DOCK7: variants seen among roughly 807,000 people sequenced by gnomAD.
The protein encoded by DOCK7 is dedicator of cytokinesis protein 7.
DOCK7 carries 138 observed loss-of-function variants against 271.0 expected under a neutral mutation model. The ratio of observed to expected loss-of-function variants is 0.51; its 90% CI spans 0.44 to 0.59. The LOEUF (loss-of-function observed/expected upper bound fraction) is 0.59. DOCK7 is among the 20% of genes least tolerant of loss of function. The pLI, the probability that DOCK7 is intolerant of heterozygous loss-of-function variation, is 0.00. For synonymous variants in DOCK7, 823 were observed against 876.1 expected, an observed-to-expected ratio of 0.94 and a Z score of 1.07; for missense variants, 2,066 against 2,592.4, an observed-to-expected ratio of 0.80 and a Z score of 4.41.
At chr1:62,575,029 C>T (rs955521343) in intron 18 of DOCK7, among the ~76,000 whole-genome samples, 9 of 152,058 alleles carry the variant, frequency 5.9e-5, no homozygotes, top group Admixed American at 5.9e-4. Flanking sequence ...CCACACCTGG[C>T]CAGAAACACT....
At chr1:62,579,505 A>G (rs1258314305) in intron 16 of DOCK7, among the ~76,000 whole-genome samples, 5 of 151,904 alleles carry the variant, frequency 3.3e-5, no homozygotes, top group Non-Finnish European at 1.5e-5. Context: ...CTGTGGCGTC[A>G]GGATCACTTG....
intron 1 of DOCK7, among the ~76,000 whole-genome samples, chr1:62,684,314 GA>G (rs775269260): frequency 4.6e-5 from 7 of 151,966 alleles, no homozygotes; most frequent in African/African-American, 7.3e-5. Context: ...TCTAGAAAAT[GA>G]TAACAACAGT....
At chr1:62,612,676 T>A (rs1651940848) in intron 14 of DOCK7, among the ~76,000 whole-genome samples, 1 of 152,214 alleles carries the variant, frequency 6.6e-6, no homozygotes, top group African/African-American at 2.4e-5. Context: ...TCAGATTAGA[T>A]CAGAGAAAAT....
chr1:62,464,886 G>C (rs1018128948), intron 48 of DOCK7, among the ~76,000 whole-genome samples: 2 of 152,128 alleles, frequency 1.3e-5, no homozygotes, highest in African/African-American at 4.8e-5. Context: ...GAAAAGACTT[G>C]AAAACAAATT....
intron 31 of DOCK7, among the ~76,000 whole-genome samples, chr1:62,527,553 T>C: frequency 6.6e-6 from 1 of 152,130 alleles, no homozygotes; most frequent in African/African-American, 2.4e-5. Flanking sequence ...GATGAGTTCA[T>C]GTCCTTTGTA....
chr1:62,634,981 TAAAAG>T (rs964587318), intron 8 of DOCK7, 59 bp from the exon 9 acceptor site: 4 of 1,203,534 alleles, frequency 3.3e-6, no homozygotes, highest in African/African-American at 1.5e-5. Flanking sequence ...GTCTATTTCT[TAAAAG>T]AAAGCTGCTT....
At chr1:62,580,945 C>G (rs1042810904) in intron 16 of DOCK7, among the ~76,000 whole-genome samples, 6 of 152,138 alleles carry the variant, frequency 3.9e-5, no homozygotes, top group African/African-American at 1.4e-4. Flanking sequence ...TATTGGAACA[C>G]AGCTACACCC....
At chr1:62,686,998 T>C (rs1242467111) in intron 1 of DOCK7, among the ~76,000 whole-genome samples, 1 of 152,110 alleles carries the variant, frequency 6.6e-6, no homozygotes, top group East Asian at 1.9e-4. Flanking sequence ...CAGGCTGGTC[T>C]TGAACTCCTG....
At chr1:62,583,075 G>T in intron 16 of DOCK7, 109 bp downstream of exon 16, 1 of 840,880 alleles carries the variant, frequency 1.2e-6, no homozygotes, top group South Asian at 1.9e-5. Flanking sequence ...TGTCAGCCTT[G>T]AATTTGGCAC....
intron 18 of DOCK7, among the ~76,000 whole-genome samples, chr1:62,562,653 A>T (rs1395042875): frequency 6.6e-6 from 1 of 152,188 alleles, no homozygotes; most frequent in Non-Finnish European, 1.5e-5. Flanking sequence ...ATAAATGAAC[A>T]TAAAGACTGA....
intron 28 of DOCK7, 82 bp from the exon 29 acceptor site, chr1:62,535,714 T>G: frequency 7.3e-7 from 1 of 1,364,490 alleles, no homozygotes; most frequent in Non-Finnish European, 9.8e-7. Context: ...AGAAATGAAA[T>G]ACTTTTTCCC....
chr1:62,666,230 C>G (rs958602663), intron 1 of DOCK7, among the ~76,000 whole-genome samples: 2 of 152,020 alleles, frequency 1.3e-5, no homozygotes, highest in Non-Finnish European at 2.9e-5. Flanking sequence ...CCATGTACAG[C>G]TAATAAATAA....
Position 62,598,810 on chromosome 1 carries a change from A to G in DOCK7, c.1683-12186T>C, listed in dbSNP as rs772302809. The stretch of plus-strand genomic sequence containing the variant: ...AATAAAAGAAATAGAAAATCAGGTA[A>G]GTCAGTATTTTAATGGTATGTCCCA... On this transcript the variant is annotated intron_variant, in intron 14 of 49. Coordinates refer to ENST00000635253, the MANE Select transcript of DOCK7 (RefSeq NM_001367561.1). 8 of 1,551,108 alleles carry G rather than the reference A, an allele frequency of 5.2e-6. No individual in the cohort carries two copies. In the South Asian group the frequency reaches 6.7e-5, roughly 13 times the overall value.
Position 62,475,261 on chromosome 1 carries a change from G to C in DOCK7, c.6052C>G (p.Pro2018Ala). The stretch of plus-strand genomic sequence containing the variant: ...TGGAGTACCATCTGAAGCATTTTGG[G>C]GTCTGCGGGATCCTGATGTGTTGCA... ...AFATHQDPAD[P>A]KMLQMVLQGS... The change falls in exon 47 of 50, where the codon CCC becomes GCC. Residue 2018 changes from proline to alanine, a missense_variant. Pro to Ala is a conservative substitution (Grantham distance 27). Around this residue, in one of 2 missense-constraint regions of DOCK7, gnomAD observed 652 missense variants for 922.1 expected, o/e 0.71. Transcript: ENST00000635253. 6.2e-7 allele frequency: 1 copy of C among 1,613,886 alleles called. No homozygotes were observed.
At chr1:62,465,198 T>TAA (rs1387574518) in intron 48 of DOCK7, among the ~76,000 whole-genome samples, 1 of 152,226 alleles carries the variant, frequency 6.6e-6, no homozygotes, top group Non-Finnish European at 1.5e-5. Context: ...TGATGCTACT[T>TAA]ATCTCCAGGT....
intron 37 of DOCK7, among the ~76,000 whole-genome samples, chr1:62,503,972 A>G (rs925495257): frequency 4.0e-5 from 6 of 151,546 alleles, no homozygotes; most frequent in African/African-American, 9.7e-5. Flanking sequence ...GCGTGAACCC[A>G]GGAGGCGGAG....
At chr1:62,456,690 G>T (rs1052264129) in intron 49 of DOCK7, among the ~76,000 whole-genome samples, 2 of 152,094 alleles carry the variant, frequency 1.3e-5, no homozygotes, top group Non-Finnish European at 2.9e-5. Flanking sequence ...TCCATGGAAA[G>T]GAGTTTCCAT....
rs755571832 is a variant in DOCK7, at chr1:62,654,155, G to C, written c.149C>G (p.Pro50Arg). 1 of 1,608,810 alleles carries C rather than the reference G, an allele frequency of 6.2e-7. No homozygotes were observed. The highest frequency in any genetic ancestry group is 8.5e-7 in the Non-Finnish European group (1 of 1,177,434). ...CACTGGATCTACTGCTTCGGTAAGG[G>C]GCACCTTTGTAAAAAGTTGGGATAA... ...VGNISHHTTV[P>R]LTEAVDPVDL... Residue 50 changes from proline to arginine, a missense_variant, in exon 3 of 50, where the codon CCC (proline) becomes CGC (arginine). Around this residue, in one of 2 missense-constraint regions of DOCK7, gnomAD observed 1,414 missense variants for 1,670.4 expected, o/e 0.85. Transcript: ENST00000635253.
chr1:62,540,185 C>A (rs1490363638), intron 25 of DOCK7, among the ~76,000 whole-genome samples: 2 of 147,508 alleles, frequency 1.4e-5, no homozygotes, highest in African/African-American at 5.0e-5. Flanking sequence ...TTTTTTTTTC[C>A]AATAAAAAAA....
Sources: gnomAD v4.1 joint callset for allele counts (sites outside exome capture counted in the v4.1 genomes callset) on GRCh38, gnomAD v4.1.1 for gene constraint, gnomAD v4.1.1 regional missense constraint, MANE v1.5 for transcripts, NCBI Gene and HGNC (gene_info 2026-07-23, HGNC 2026-07-21) for gene names.